Variants in USP42 observed in about 807,000 individuals in gnomAD.
USP42 encodes ubiquitin specific peptidase 42.
Under a neutral mutation model 113.0 loss-of-function variants are expected in USP42, and 23 were observed. The observed-to-expected ratio is 0.20, with a 90% CI of 0.15 to 0.29. The LOEUF (loss-of-function observed/expected upper bound fraction) is 0.29, where lower values mean the gene tolerates loss of function less well. Ranked by LOEUF, USP42 falls within the 10% of genes least tolerant of loss-of-function variation. The probability of loss-of-function intolerance (pLI) is 1.00; values close to 1 mark genes in which losing one functional copy is unlikely to be tolerated. For missense variants in USP42, 2,174 were observed against 1,779.8 expected (o/e 1.22, Z -3.99); for synonymous variants, 933 against 699.0 (o/e 1.33, Z -5.28).
intron 1 of USP42, among the ~76,000 whole-genome samples, chr7:6,106,219 T>C (rs981856585): frequency 6.6e-6 from 1 of 152,260 alleles, no homozygotes; most frequent in Non-Finnish European, 1.5e-5. Flanking sequence ...TTTGGTTTAC[T>C]TAAGTATAAT....
chr7:6,122,176 T>C (rs1780261922), intron 3 of USP42, among the ~76,000 whole-genome samples: 1 of 152,222 alleles, frequency 6.6e-6, no homozygotes, highest in Non-Finnish European at 1.5e-5. Context: ...GGTCATTTGA[T>C]TTGAGATCTT....
chr7:6,117,032 ACTGAAGTATAAT>A, intron 3 of USP42: 1 of 353,710 alleles, frequency 2.8e-6, no homozygotes, highest in Non-Finnish European at 5.5e-6. Flanking sequence ...TCCCAGCTTT[ACTGAAGTATAAT>A]TGATATATAC....
chr7:6,090,464 C>T, the USP42 span, among the ~76,000 whole-genome samples: 1 of 145,434 alleles, frequency 6.9e-6, no homozygotes, highest in Non-Finnish European at 1.5e-5. Flanking sequence ...CCTCTAATCC[C>T]GGCACTTTGG....
intron 1 of USP42, among the ~76,000 whole-genome samples, chr7:6,105,834 A>C (rs1779249887): frequency 6.6e-6 from 1 of 152,206 alleles, no homozygotes; most frequent in African/African-American, 2.4e-5. Context: ...AACCCCTCTC[A>C]CATGCATGCA....
intron 2 of USP42, among the ~76,000 whole-genome samples, chr7:6,114,274 G>C (rs1038798579): frequency 6.6e-6 from 1 of 152,148 alleles, no homozygotes; most frequent in African/African-American, 2.4e-5. Context: ...CAATGAATTA[G>C]CATCCATGGC....
rs759472526 is a variant in USP42, at chr7:6,153,820, G to C, written c.2266G>C (p.Ala756Pro). The C allele has an allele frequency of 1.3e-6, 2 of 1,531,242 alleles. No homozygotes were observed. The highest frequency in any genetic ancestry group is 1.8e-6 in the Non-Finnish European group (2 of 1,137,386). The allele number at this position is 1,531,242 out of a possible 1,614,324, so 94.9% of individuals were successfully genotyped here. ...CGCCGAGCCTCAGCCTGGCAGCCCCGCCGCCGAATCCCTGGAGGAGCCAGA... is the reference window on the plus strand; with the variant it reads ...CGCCGAGCCTCAGCCTGGCAGCCCCCCCGCCGAATCCCTGGAGGAGCCAGA... ...RDAEPQPGSP[A>P]AESLEEPDAA... The change falls in exon 15 of 18, where the codon GCC (alanine) becomes CCC (proline). Residue 756 changes from alanine to proline, a missense_variant. Transcript: ENST00000306177.
chr7:6,082,601 CTGTTTTTTTTTT>C, the USP42 span, among the ~76,000 whole-genome samples: 1 of 96,996 alleles, frequency 1.0e-5, no homozygotes, highest in South Asian at 3.3e-4. Context: ...TTCTTTCTTT[CTGTTTTTTTTTT>C]TTTTTTTTTT....
chr7:6,154,001 C>G lies in USP42; in HGVS notation c.2447C>G (p.Pro816Arg), dbSNP rs753237713. Residue 816 changes from proline (P) to arginine (R), a missense_variant, in exon 15 of 18, where the codon CCT (proline) becomes CGT (arginine). Physicochemically the swap from Pro to Arg is moderately radical, Grantham distance 103. Transcript: ENST00000306177. ...GEDIVGDTAP[P>R]DLCDPGSLTG... ...GACATCGTGGGGGACACAGCACCCC[C>G]TGACCTGTGTGATCCCGGGAGCTTA... 3.7e-6 allele frequency: 6 copies of G among 1,603,196 alleles called. No homozygotes were observed. In the South Asian group the frequency reaches 4.4e-5, roughly 12 times the overall value.
At chr7:6,095,068 G>A in the USP42 span, among the ~76,000 whole-genome samples, 40 of 151,396 alleles carry the variant, frequency 2.6e-4, 5 homozygotes, top group African/African-American at 9.3e-4. Flanking sequence ...CATTATAGGT[G>A]TGAGCCACCG....
chr7:6,089,725 G>A, the USP42 span, among the ~76,000 whole-genome samples: 1 of 149,774 alleles, frequency 6.7e-6, no homozygotes, highest in Non-Finnish European at 1.5e-5. Flanking sequence ...TAGAGATGGG[G>A]TTTCACCATG....
At chr7:6,103,510 C>G, upstream of USP42, among the ~76,000 whole-genome samples, 1 of 138,196 alleles carries the variant, frequency 7.2e-6, no homozygotes, top group Admixed American at 7.2e-5. Context: ...AGAGCAAACT[C>G]CGTCTCAAAA....
chr7:6,154,508 C>CCCGGGAGCGCGACCG lies in USP42; in HGVS notation c.2957_2971dup (p.Arg986_Arg990dup). ...CGTCACCGGCGGCGCCGCACCTGCC[C>CCCGGGAGCGCGACCG]CCGGGAGCGCGACCGCCAGGACCGC... On this transcript the variant is annotated inframe_insertion, in exon 15 of 18. Transcript: ENST00000306177. The CCCGGGAGCGCGACCG allele has an allele frequency of 6.5e-7, 1 of 1,541,966 alleles. No homozygotes were observed. The highest frequency in any genetic ancestry group is 8.7e-7 in the Non-Finnish European group (1 of 1,143,888).
At chr7:6,137,948 G>T (rs965989103) in intron 4 of USP42, among the ~76,000 whole-genome samples, 27 of 152,170 alleles carry the variant, frequency 1.8e-4, no homozygotes, top group African/African-American at 6.3e-4. Context: ...CAAAGTGTTG[G>T]AATTACAGGT....
At chr7:6,085,478 C>T in the USP42 span, among the ~76,000 whole-genome samples, 1 of 149,876 alleles carries the variant, frequency 6.7e-6, no homozygotes, top group African/African-American at 2.5e-5. Flanking sequence ...GTTAAATCTT[C>T]CTCCTAGTGT....
intron 3 of USP42, 95 bp from the exon 4 acceptor site, chr7:6,135,746 T>C (rs1781105848): frequency 1.9e-6 from 1 of 533,794 alleles, no homozygotes; most frequent in Non-Finnish European, 3.2e-6. Flanking sequence ...CAGCTATTAT[T>C]TCATTTCAGG....
intron 14 of USP42, 146 bp downstream of exon 14, chr7:6,150,652 T>TGA (rs1201199486): frequency 1.2e-6 from 1 of 807,742 alleles, no homozygotes; most frequent in Non-Finnish European, 1.9e-6. Context: ...GTATAGGATT[T>TGA]ATTAACTTGC....
At chr7:6,117,109 C>A (rs1042191908) in intron 3 of USP42, among the ~76,000 whole-genome samples, 1 of 151,998 alleles carries the variant, frequency 6.6e-6, no homozygotes, top group Non-Finnish European at 1.5e-5. Flanking sequence ...TTTGTATACA[C>A]CCGTGGAACT....
At chr7:6,122,805 A>G (rs1780308374) in intron 3 of USP42, among the ~76,000 whole-genome samples, 1 of 150,156 alleles carries the variant, frequency 6.7e-6, no homozygotes, top group South Asian at 2.1e-4. Flanking sequence ...GGTCTCACTA[A>G]GTTGCTCAGG....
At chr7:6,119,691 T>TTTG (rs577769040) in intron 3 of USP42, among the ~76,000 whole-genome samples, 60 of 152,172 alleles carry the variant, frequency 3.9e-4, no homozygotes, top group Non-Finnish European at 4.7e-4. Flanking sequence ...GGCCTTGTTT[T>TTTG]TTGTTGTTGT....
Sources: gnomAD v4.1 joint callset for allele counts (sites outside exome capture counted in the v4.1 genomes callset) on GRCh38, gnomAD v4.1.1 for gene constraint, MANE v1.5 for transcripts, NCBI Gene and HGNC (gene_info 2026-07-23, HGNC 2026-07-21) for gene names.